CPSF2: variants seen among roughly 807,000 people sequenced by gnomAD.
CPSF2 encodes cleavage and polyadenylation specificity factor subunit 2.
In CPSF2, 51 loss-of-function variants were observed where a neutral mutation model predicts 84.2. The ratio of observed to expected loss-of-function variants is 0.61; its 90% CI spans 0.48 to 0.77. The LOEUF is 0.77. Ranked by LOEUF, CPSF2 falls within the 30% of genes least tolerant of loss-of-function variation. The pLI, the probability that CPSF2 is intolerant of heterozygous loss-of-function variation, is 0.00. For synonymous variants in CPSF2, 286 were observed against 311.9 expected, an observed-to-expected ratio of 0.92 and a Z score of 0.87; for missense variants, 641 against 929.4, an observed-to-expected ratio of 0.69 and a Z score of 4.03.
In CPSF2 at chr14:92,161,760, G is replaced by C; in HGVS notation, c.*16G>C. On this transcript the variant is annotated 3_prime_UTR_variant, in exon 16 of 16. Coordinates refer to ENST00000298875, the MANE Select transcript of CPSF2 (RefSeq NM_017437.3). ...CATTGTATAAAGGACATGATGTCAAGAAGTATCTGCTTGACCTTTCTAAGA... is the reference window on the plus strand; with the variant it reads ...CATTGTATAAAGGACATGATGTCAACAAGTATCTGCTTGACCTTTCTAAGA... 7.1e-7 allele frequency: 1 copy of C among 1,400,010 alleles called. No homozygotes were observed. The highest frequency in any genetic ancestry group is 2.5e-5 in the East Asian group (1 of 40,290). The allele number at this position is 1,400,010 out of a possible 1,614,324, so 86.7% of individuals were successfully genotyped here.
rs2069453016 is a variant in CPSF2 at position 92,166,801 on chromosome 14, A to G, written c.*5057A>G. On this transcript the variant is annotated 3_prime_UTR_variant, in exon 16 of 16. Coordinates refer to ENST00000298875, the MANE Select transcript of CPSF2 (RefSeq NM_017437.3). The stretch of plus-strand genomic sequence containing the variant: ...TTTAAAATCAGTTGCCCATGAGTGT[A>G]TGGGTTTGTTCCTGGACTTGAAATT... The G allele has an allele frequency of 6.6e-6, 1 of 151,962 alleles. No homozygotes were observed. Among genetic ancestry groups the G allele is most frequent in the Admixed American group, 6.6e-5 (1 of 15,258 alleles). 9.4% of individuals were successfully genotyped at this position (151,962 alleles called of 1,614,324 possible).
chr14:92,142,196 A>T lies in CPSF2; in HGVS notation c.694A>T (p.Asn232Tyr), dbSNP rs755979515. 4 of 1,611,590 alleles carry T rather than the reference A, an allele frequency of 2.5e-6. No homozygotes were observed. In the South Asian group the frequency reaches 4.4e-5, roughly 18 times the overall value. The change falls in exon 8 of 16, where the codon AAT (asparagine) becomes TAT (tyrosine). Residue 232 changes from asparagine (N) to tyrosine (Y), a missense_variant. By Grantham distance (143) the Asn-to-Tyr change is moderately radical. Around this residue, in one of 2 missense-constraint regions of CPSF2, gnomAD observed 211 missense variants for 375.7 expected, o/e 0.56. Coordinates refer to ENST00000298875, the MANE Select transcript of CPSF2 (RefSeq NM_017437.3). ...NVLETLRGDG[N>Y]VLIAVDTAGR... ...CCTGGAAACACTTCGAGGTGATGGA[A>T]ATGTGTTAATAGCAGTGGACACAGC...
At chr14:92,122,842 CTTTT>C (rs976045389) in intron 1 of CPSF2, among the ~76,000 whole-genome samples, 7 of 149,440 alleles carry the variant, frequency 4.7e-5, no homozygotes, top group African/African-American at 1.2e-4. Context: ...TAACCCCTTT[CTTTT>C]TTCTTTCTTT....
chr14:92,137,643 A>G (rs2069017416), intron 6 of CPSF2, among the ~76,000 whole-genome samples: 1 of 152,244 alleles, frequency 6.6e-6, no homozygotes, highest in Non-Finnish European at 1.5e-5. Flanking sequence ...CAGTAAATAC[A>G]TTTTTAGGAA....
intron 1 of CPSF2, among the ~76,000 whole-genome samples, chr14:92,125,156 A>G (rs1332827800): frequency 6.6e-6 from 1 of 152,150 alleles, no homozygotes; most frequent in Non-Finnish European, 1.5e-5. Context: ...GGTTGGATGA[A>G]GGGAGGAAAT....
chr14:92,139,657 G>A (rs1352817722), intron 7 of CPSF2, among the ~76,000 whole-genome samples: 2 of 150,030 alleles, frequency 1.3e-5, no homozygotes, highest in African/African-American at 4.9e-5. Flanking sequence ...TTCTGCCTCA[G>A]CCTCCCAAGT....
At chr14:92,137,147 A>G (rs1202692508) in intron 6 of CPSF2, among the ~76,000 whole-genome samples, 1 of 152,124 alleles carries the variant, frequency 6.6e-6, no homozygotes, top group Non-Finnish European at 1.5e-5. Flanking sequence ...AAAGTTATAA[A>G]GTCAAAAGAG....
At chr14:92,158,944 T>G (rs777037765) in intron 13 of CPSF2, 39 bp from the exon 14 acceptor site, 1 of 1,502,508 alleles carries the variant, frequency 6.7e-7, no homozygotes, top group Non-Finnish European at 9.1e-7. Context: ...ATATGTATTC[T>G]GTGGGTTTTA....
At chr14:92,144,418 A>G (rs538269449) in intron 9 of CPSF2, among the ~76,000 whole-genome samples, 1 of 152,204 alleles carries the variant, frequency 6.6e-6, no homozygotes, top group Non-Finnish European at 1.5e-5. Context: ...CACCTCAAGC[A>G]TATCATTCTG....
intron 6 of CPSF2, among the ~76,000 whole-genome samples, chr14:92,135,760 G>T (rs951618556): frequency 6.6e-6 from 1 of 152,186 alleles, no homozygotes; most frequent in African/African-American, 2.4e-5. Flanking sequence ...CAAAGGAGAT[G>T]AATTTTTTAC....
intron 9 of CPSF2, among the ~76,000 whole-genome samples, chr14:92,148,202 G>C (rs1178617816): frequency 1.3e-5 from 2 of 152,036 alleles, no homozygotes; most frequent in African/African-American, 4.8e-5. Context: ...TTTCAAACAG[G>C]AAAGTTACAA....
intron 3 of CPSF2, among the ~76,000 whole-genome samples, chr14:92,133,150 T>A (rs1283786176): frequency 6.6e-6 from 1 of 151,892 alleles, no homozygotes; most frequent in Non-Finnish European, 1.5e-5. Context: ...CCGGGCGTGG[T>A]GGCTCACCCC....
At chr14:92,158,079 C>G (rs576597800) in intron 13 of CPSF2, among the ~76,000 whole-genome samples, 195 bp downstream of exon 13, 4 of 152,088 alleles carry the variant, frequency 2.6e-5, no homozygotes, top group African/African-American at 9.6e-5. Flanking sequence ...AGAAGAAGTA[C>G]AGGATGCTAT....
At position 92,161,931 on chromosome 14, in the gene CPSF2, T is replaced by G. The variant is rs1338432533; in HGVS notation, c.*187T>G. ...AAATGCTCAAATGAGCATTCTATCTTTTGGCTTTCAGAGTGATAGAGCTCC... is the reference window on the plus strand; with the variant it reads ...AAATGCTCAAATGAGCATTCTATCTGTTGGCTTTCAGAGTGATAGAGCTCC... On this transcript the variant is annotated 3_prime_UTR_variant, in exon 16 of 16. Coordinates refer to ENST00000298875, the MANE Select transcript of CPSF2 (RefSeq NM_017437.3). 1 of 468,360 alleles carries G rather than the reference T, an allele frequency of 2.1e-6. No homozygotes were observed. Among genetic ancestry groups the G allele is most frequent in the Non-Finnish European group, 3.7e-6 (1 of 269,936 alleles). 29.0% of individuals were successfully genotyped at this position (468,360 alleles called of 1,614,324 possible).
rs949123147 is a variant in CPSF2 at position 92,163,543 on chromosome 14, T to C, written c.*1799T>C. On this transcript the variant is annotated 3_prime_UTR_variant, in exon 16 of 16. Transcript: ENST00000298875. The stretch of plus-strand genomic sequence containing the variant: ...TGATTTAAAGCATCTGGTTTGCATA[T>C]TGTATTGTAATACTGATACAGTTTG... 12 of 152,634 alleles carry C rather than the reference T, an allele frequency of 7.9e-5. No individual in the cohort carries two copies. The highest frequency in any genetic ancestry group is 2.7e-4 in the African/African-American group (11 of 41,444). The allele number at this position is 152,634 out of a possible 1,614,324, so 9.5% of individuals were successfully genotyped here.
At chr14:92,161,405 T>C (rs550366430) in intron 15 of CPSF2, among the ~76,000 whole-genome samples, 159 bp downstream of exon 15, 9 of 152,348 alleles carry the variant, frequency 5.9e-5, no homozygotes, top group African/African-American at 2.2e-4. Context: ...CTTATTGACT[T>C]GAAGGCTTAT....
At chr14:92,149,272 T>A (rs2069181406) in intron 9 of CPSF2, among the ~76,000 whole-genome samples, 1 of 151,304 alleles carries the variant, frequency 6.6e-6, no homozygotes, top group African/African-American at 2.4e-5. Flanking sequence ...AAAAAAAAAA[T>A]GCTAGTTTCA....
intron 1 of CPSF2, 142 bp downstream of exon 1, chr14:92,122,270 G>T: frequency 3.9e-6 from 1 of 258,058 alleles, no homozygotes; most frequent in Non-Finnish European, 7.7e-6. Context: ...TGTCCCGGTC[G>T]TTCCCGGCAG....
At chr14:92,125,452 G>C (rs540107664) in intron 1 of CPSF2, among the ~76,000 whole-genome samples, 2 of 152,272 alleles carry the variant, frequency 1.3e-5, no homozygotes, top group South Asian at 4.1e-4. Context: ...ACGTTAGGAA[G>C]GGGTGGTCCA....
Sources: allele counts gnomAD v4.1 joint callset (sites outside exome capture counted in the v4.1 genomes callset), GRCh38; gene constraint gnomAD v4.1.1; regional missense constraint gnomAD v4.1.1; transcripts MANE v1.5; gene names NCBI Gene and HGNC (gene_info 2026-07-23, HGNC 2026-07-21).